The following NOMO2 variants were observed in gnomAD, a reference collection of about 807,000 sequenced individuals.
NOMO2 encodes the protein BOS complex subunit NOMO2.
A neutral mutation model predicts 67.1 loss-of-function variants in NOMO2; 14 were observed. That is an observed-to-expected ratio of 0.21 (90% CI 0.14 to 0.33). NOMO2 has a LOEUF of 0.33. NOMO2 is among the 10% of genes least tolerant of loss of function. The pLI, the probability that NOMO2 is intolerant of heterozygous loss-of-function variation, is 1.00. For synonymous variants in NOMO2, 80 were observed against 305.9 expected (o/e 0.26, Z 7.71); for missense variants, 178 against 761.0 (o/e 0.23, Z 9.01).
chr16:18,557,476 A>T (rs971513599), intron 2 of NOMO2, among the ~76,000 whole-genome samples: 1 of 151,396 alleles, frequency 6.6e-6, no homozygotes, highest in Non-Finnish European at 1.5e-5. Context: ...CACAACAAAA[A>T]CGTCTCTAGA....
At chr16:18,530,428 G>GA (rs1268675721) in intron 14 of NOMO2, among the ~76,000 whole-genome samples, 4 of 73,470 alleles carry the variant, frequency 5.4e-5, no homozygotes, top group African/African-American at 1.8e-4. Context: ...TATAATTCCA[G>GA]AAAAAGCAGT....
intron 4 of NOMO2, among the ~76,000 whole-genome samples, chr16:18,551,196 A>C (rs1186106478): frequency 6.6e-6 from 1 of 151,886 alleles, no homozygotes; most frequent in Non-Finnish European, 1.5e-5. Context: ...AAAAAAATAA[A>C]AACACCAACA....
rs562629761 is a variant in NOMO2 at position 18,561,655 on chromosome 16, G to A, written c.165+221C>T. On this transcript the variant is annotated intron_variant, in intron 1 of 30. Transcript: ENST00000622306. The stretch of plus-strand genomic sequence containing the variant: ...GAGTCGGGGTTTTGAAGAACCTGAG[G>A]TCTGGCACCCCTCAGTCCTTAGACG... 2.9e-3 allele frequency among the ~76,000 whole-genome samples: 439 copies of A among 151,040 alleles called. 12 individuals carry two copies. The highest frequency in any genetic ancestry group is 0.01 in the African/African-American group (420 of 40,822).
intron 3 of NOMO2, among the ~76,000 whole-genome samples, chr16:18,553,295 A>C (rs182190470): frequency 6.6e-6 from 1 of 150,908 alleles, no homozygotes. Context: ...TAAAATATAA[A>C]TATTTTATAA....
intron 6 of NOMO2, among the ~76,000 whole-genome samples, chr16:18,546,347 C>CT (rs368108886): frequency 1.9e-5 from 1 of 52,128 alleles, no homozygotes; most frequent in Admixed American, 2.5e-4. Flanking sequence ...AATCCCACCA[C>CT]TTTTTTGAGA....
intron 3 of NOMO2, among the ~76,000 whole-genome samples, chr16:18,552,702 T>C (rs13334540): frequency 0.68 from 102,112 of 150,756 alleles, 32,584 homozygotes; most frequent in Admixed American, 0.74. Context: ...AAGTGTAGGT[T>C]AGGATGTGGA....
Position 18,559,786 on chromosome 16 carries a change from C to T in NOMO2, c.166-1995G>A, listed in dbSNP as rs201860806. 1.8e-3 allele frequency among the ~76,000 whole-genome samples: 259 copies of T among 146,894 alleles called. 2 individuals carry two copies. Among genetic ancestry groups the T allele is most frequent in the African/African-American group, 5.9e-3 (228 of 38,526 alleles). On this transcript the variant is annotated intron_variant, in intron 1 of 30. Coordinates refer to ENST00000622306, the MANE Select transcript of NOMO2 (RefSeq NM_173614.4). ...AAGCCAAGGGTGGCAGCCTAAAGAT[C>T]GGCTGGTTTTCCAGAGAAATAAAGA...
At chr16:18,560,739 C>T (rs1483298174) in intron 1 of NOMO2, among the ~76,000 whole-genome samples, 4 of 151,882 alleles carry the variant, frequency 2.6e-5, no homozygotes, top group South Asian at 4.2e-4. Context: ...AAACTGAAAC[C>T]TAGAGCAAGG....
chr16:18,548,382 CAAT>C (rs1181167063), intron 5 of NOMO2, among the ~76,000 whole-genome samples: 2 of 151,510 alleles, frequency 1.3e-5, no homozygotes, highest in African/African-American at 2.4e-5. Flanking sequence ...CTAGTTTCAA[CAAT>C]AATAACTTTA....
chr16:18,528,647 T>C (rs778283592), intron 15 of NOMO2, among the ~76,000 whole-genome samples: 1 of 151,720 alleles, frequency 6.6e-6, no homozygotes, highest in African/African-American at 2.4e-5. Context: ...CTTCTTCCCC[T>C]GCGCTGGAAC....
intron 1 of NOMO2, 62 bp from the exon 2 acceptor site, chr16:18,557,853 T>G: frequency 2.5e-6 from 4 of 1,582,764 alleles, no homozygotes; most frequent in Non-Finnish European, 3.4e-6. Context: ...ACTACACATG[T>G]TACACCTGAA....
In NOMO2 at chr16:18,533,125, C is replaced by T. The variant is rs781065786; in HGVS notation, c.1275G>A (p.Gln425=). Residue 425 remains glutamine (Q), a synonymous_variant, in exon 12 of 31, where the codon CAG becomes CAA. Coordinates refer to ENST00000622306, the MANE Select transcript of NOMO2 (RefSeq NM_173614.4). ...SIIRFPDTVK[Q]MNKYKVVLSS... ...ACAGGACAACTTTGTATTTATTCAT[C>T]TGCTTGACGGTGTCCGGGAAGCGAA... 4 of 1,611,460 alleles carry T rather than the reference C, an allele frequency of 2.5e-6. No individual in the cohort carries two copies. The South Asian group carries it at 3.3e-5, about 13-fold the overall frequency.
chr16:18,531,275 G>C, intron 13 of NOMO2, 107 bp from the exon 14 acceptor site: 1 of 806,028 alleles, frequency 1.2e-6, no homozygotes, highest in Non-Finnish European at 2.0e-6. Context: ...GAGCTCCTAA[G>C]AGGCAGTGGC....
intron 11 of NOMO2, among the ~76,000 whole-genome samples, chr16:18,535,763 G>A (rs1339711857): frequency 6.6e-6 from 1 of 151,744 alleles, no homozygotes; most frequent in African/African-American, 2.4e-5. Flanking sequence ...ACTTTTTAAA[G>A]TACCATGATC....
chr16:18,538,996 G>A (rs1450451944), intron 9 of NOMO2, 32 bp from the exon 10 acceptor site: 21 of 1,598,534 alleles, frequency 1.3e-5, no homozygotes, highest in African/African-American at 6.7e-5. Flanking sequence ...GAAGGTGCTC[G>A]AAGGTGCTCC....
intron 4 of NOMO2, among the ~76,000 whole-genome samples, chr16:18,550,602 AG>A (rs1435754934): frequency 6.6e-6 from 1 of 152,026 alleles, no homozygotes; most frequent in African/African-American, 2.4e-5. Flanking sequence ...CGGGTGGAAG[AG>A]AAATGACTCT....
At chr16:18,526,543 A>T (rs1192738694) in intron 16 of NOMO2, among the ~76,000 whole-genome samples, 3 of 151,716 alleles carry the variant, frequency 2.0e-5, no homozygotes, top group Admixed American at 2.0e-4. Context: ...TGGATACACA[A>T]AATATGATAT....
At chr16:18,554,097 A>G (rs553602508) in intron 3 of NOMO2, among the ~76,000 whole-genome samples, 25 of 151,950 alleles carry the variant, frequency 1.6e-4, no homozygotes, top group African/African-American at 5.8e-4. Context: ...CCCCATCCCC[A>G]ACTCCCCAGC....
At chr16:18,545,094 T>C (rs1165423937) in intron 6 of NOMO2, among the ~76,000 whole-genome samples, 3 of 117,904 alleles carry the variant, frequency 2.5e-5, no homozygotes, top group Non-Finnish European at 5.4e-5. Context: ...TCATTTCGAA[T>C]AAATTTTTTT....
Sources: gnomAD v4.1 joint callset for allele counts (sites outside exome capture counted in the v4.1 genomes callset) on GRCh38, gnomAD v4.1.1 for gene constraint, MANE v1.5 for transcripts, NCBI Gene and HGNC (gene_info 2026-07-23, HGNC 2026-07-21) for gene names.